The following PDE1C variants were observed in gnomAD, a reference collection of about 807,000 sequenced individuals.
The protein encoded by PDE1C is phosphodiesterase 1C.
A neutral mutation model predicts 93.1 loss-of-function variants in PDE1C; 62 were observed. The observed-to-expected ratio is 0.67, with a 90% CI of 0.54 to 0.82. The LOEUF (loss-of-function observed/expected upper bound fraction) is 0.82. PDE1C is among the 40% of genes least tolerant of loss of function. The probability of loss-of-function intolerance (pLI) is 0.00; values close to 1 mark genes in which losing one functional copy is unlikely to be tolerated. For missense variants in PDE1C, 742 were observed against 884.6 expected (o/e 0.84, Z 2.04); for synonymous variants, 325 against 310.1 (o/e 1.05, Z -0.50).
At chr7:31,898,371 T>G (rs1266952231) in intron 2 of PDE1C, among the ~76,000 whole-genome samples, 2 of 152,152 alleles carry the variant, frequency 1.3e-5, no homozygotes, top group Non-Finnish European at 1.5e-5. Context: ...CCATAGAGTT[T>G]AAACTTCTCT....
intron 1 of PDE1C, among the ~76,000 whole-genome samples, chr7:32,216,181 G>T (rs1806417037): frequency 6.6e-6 from 1 of 152,286 alleles, no homozygotes; most frequent in Non-Finnish European, 1.5e-5. Flanking sequence ...GGGGGAAGGA[G>T]ACTTGGTGCA....
intron 1 of PDE1C, among the ~76,000 whole-genome samples, chr7:32,209,803 G>A (rs1195391168): frequency 2.0e-5 from 3 of 152,126 alleles, no homozygotes; most frequent in Non-Finnish European, 2.9e-5. Context: ...AGTTTAGTAG[G>A]CCTAAAGAAG....
chr7:31,869,127 C>A (rs936684909), intron 6 of PDE1C, among the ~76,000 whole-genome samples: 2 of 151,936 alleles, frequency 1.3e-5, no homozygotes, highest in African/African-American at 4.8e-5. Context: ...AGCAAATACA[C>A]AAATGAGGAA....
At chr7:32,204,637 ACAC>A (rs375701899) in intron 2 of PDE1C, among the ~76,000 whole-genome samples, 2 of 152,240 alleles carry the variant, frequency 1.3e-5, no homozygotes, top group African/African-American at 4.8e-5. Flanking sequence ...CCACGTCTGA[ACAC>A]TACATGTGGC....
At chr7:31,967,021 T>C (rs1452149565) in intron 2 of PDE1C, among the ~76,000 whole-genome samples, 4 of 152,060 alleles carry the variant, frequency 2.6e-5, no homozygotes, top group Non-Finnish European at 5.9e-5. Flanking sequence ...CGATCCAAAA[T>C]TGACACCCTA....
intron 3 of PDE1C, among the ~76,000 whole-genome samples, chr7:32,103,410 G>A (rs750589992): frequency 1.3e-5 from 2 of 152,162 alleles, no homozygotes; most frequent in Non-Finnish European, 2.9e-5. Context: ...AGAGGTCTTA[G>A]CCTGCATTCC....
chr7:31,961,485 C>T (rs1223026811), intron 2 of PDE1C, among the ~76,000 whole-genome samples: 1 of 151,908 alleles, frequency 6.6e-6, no homozygotes, highest in Non-Finnish European at 1.5e-5. Flanking sequence ...GTGTGAGATA[C>T]ACTCTCTCAT....
chr7:32,207,504 G>C (rs1171920847), intron 2 of PDE1C, among the ~76,000 whole-genome samples: 2 of 152,012 alleles, frequency 1.3e-5, no homozygotes, highest in Admixed American at 1.3e-4. Flanking sequence ...TAATTTTTTT[G>C]CCTTCCTAAA....
chr7:32,180,969 T>A (rs930249423), intron 2 of PDE1C, among the ~76,000 whole-genome samples: 3 of 152,150 alleles, frequency 2.0e-5, no homozygotes, highest in African/African-American at 7.2e-5. Flanking sequence ...AAATAATAGC[T>A]GGAAGTAATG....
intron 1 of PDE1C, among the ~76,000 whole-genome samples, chr7:32,265,016 G>A (rs1279740175): frequency 6.6e-6 from 1 of 152,166 alleles, no homozygotes; most frequent in Non-Finnish European, 1.5e-5. Flanking sequence ...CAACAGTCCA[G>A]TTTGTGATAG....
intron 3 of PDE1C, among the ~76,000 whole-genome samples, chr7:32,147,984 T>TAAAAAAAAAAAATAAAA (rs1801003780): frequency 1.3e-5 from 1 of 79,730 alleles, no homozygotes; most frequent in African/African-American, 5.6e-5. Flanking sequence ...CCATTTATGC[T>TAAAAAAAAAAAATAAAA]AAAAAAAAAA....
intron 1 of PDE1C, among the ~76,000 whole-genome samples, chr7:32,062,229 A>C (rs774623542): frequency 1.3e-5 from 2 of 152,222 alleles, no homozygotes; most frequent in Non-Finnish European, 2.9e-5. Context: ...AGTTGACCTT[A>C]ATTCCACTTT....
chr7:32,357,149 T>C (rs1376621641), intron 1 of PDE1C, among the ~76,000 whole-genome samples: 2 of 152,060 alleles, frequency 1.3e-5, no homozygotes, highest in African/African-American at 4.8e-5. Flanking sequence ...TGGCAAACAC[T>C]GTGAAACCCC....
At chr7:32,372,210 C>T (rs998728735) in intron 1 of PDE1C, among the ~76,000 whole-genome samples, 3 of 152,106 alleles carry the variant, frequency 2.0e-5, no homozygotes, top group Non-Finnish European at 4.4e-5. Flanking sequence ...CCTGCCACCA[C>T]ACCTGGCTAG....
intron 2 of PDE1C, among the ~76,000 whole-genome samples, chr7:32,005,740 A>C (rs1169419024): frequency 1.3e-5 from 2 of 151,938 alleles, no homozygotes; most frequent in African/African-American, 4.8e-5. Context: ...GAAGAGTAGA[A>C]CTAGAATAGA....
chr7:31,721,671 C>T, the PDE1C span, among the ~76,000 whole-genome samples: 1 of 152,286 alleles, frequency 6.6e-6, no homozygotes, highest in Non-Finnish European at 1.5e-5. Context: ...TGCTAATCAA[C>T]ATAATGGAAT....
At chr7:31,939,259 A>G (rs912817180) in intron 2 of PDE1C, among the ~76,000 whole-genome samples, 3 of 151,886 alleles carry the variant, frequency 2.0e-5, no homozygotes, top group African/African-American at 7.3e-5. Context: ...AGGAGGAGAA[A>G]GAGGAGGAGC....
chr7:32,282,729 C>T (rs958706132), intron 1 of PDE1C, among the ~76,000 whole-genome samples: 2 of 151,566 alleles, frequency 1.3e-5, no homozygotes, highest in South Asian at 4.2e-4. Flanking sequence ...TGCAGGCGCC[C>T]GCCACCATGC....
At chr7:32,060,046 G>A (rs1364831460) in intron 1 of PDE1C, among the ~76,000 whole-genome samples, 4 of 152,142 alleles carry the variant, frequency 2.6e-5, no homozygotes, top group Non-Finnish European at 4.4e-5. Flanking sequence ...TATCTGTGAC[G>A]GCACTGCCAA....
Sources: gnomAD v4.1 joint callset for allele counts (sites outside exome capture counted in the v4.1 genomes callset) on GRCh38, gnomAD v4.1.1 for gene constraint, MANE v1.5 for transcripts, NCBI Gene and HGNC (gene_info 2026-07-23, HGNC 2026-07-21) for gene names.